RBFOX1: variants seen among roughly 807,000 people sequenced by gnomAD.
RBFOX1 encodes the protein RNA binding protein fox-1 homolog 1.
A neutral mutation model predicts 57.7 loss-of-function variants in RBFOX1; 8 were observed. The observed-to-expected ratio is 0.14, with a 90% CI of 0.08 to 0.25. The LOEUF is 0.25. Among genes scored for constraint, RBFOX1 ranks in the 10% least tolerant of loss-of-function variants. The pLI, the probability that RBFOX1 is intolerant of heterozygous loss-of-function variation, is 1.00. For missense variants in RBFOX1, 611 were observed against 548.5 expected, an observed-to-expected ratio of 1.11 and a Z score of -1.14; for synonymous variants, 326 against 222.4, an observed-to-expected ratio of 1.47 and a Z score of -4.15.
chr16:6,514,712 AG>A (rs1315745185), intron 2 of RBFOX1, among the ~76,000 whole-genome samples: 1 of 152,064 alleles, frequency 6.6e-6, no homozygotes, highest in African/African-American at 2.4e-5. Context: ...CCTCCTCCAT[AG>A]TCATGAAGTT....
intron 4 of RBFOX1, among the ~76,000 whole-genome samples, chr16:7,210,210 A>G (rs1352468245): frequency 6.6e-6 from 1 of 152,212 alleles, no homozygotes; most frequent in African/African-American, 2.4e-5. Context: ...CCAATAGGAT[A>G]CTTCTATAGG....
At chr16:6,837,633 C>T (rs957623522) in intron 3 of RBFOX1, among the ~76,000 whole-genome samples, 1 of 152,200 alleles carries the variant, frequency 6.6e-6, no homozygotes, top group Middle Eastern at 3.2e-3. Context: ...CTCAATCTCT[C>T]TAAGCCTCAC....
At chr16:6,154,095 G>A (rs890151450) in intron 1 of RBFOX1, among the ~76,000 whole-genome samples, 3 of 152,168 alleles carry the variant, frequency 2.0e-5, no homozygotes, top group Admixed American at 6.5e-5. Flanking sequence ...ACACAGGAAG[G>A]GTTTTGAAAT....
chr16:7,322,114 G>A (rs1020949813), intron 4 of RBFOX1, among the ~76,000 whole-genome samples: 1 of 152,168 alleles, frequency 6.6e-6, no homozygotes, highest in Non-Finnish European at 1.5e-5. Context: ...CCATTCATTG[G>A]TCTGATAACA....
chr16:5,348,769 C>G (rs1245201441), intron 1 of RBFOX1, among the ~76,000 whole-genome samples: 1 of 152,174 alleles, frequency 6.6e-6, no homozygotes, highest in Admixed American at 6.5e-5. Flanking sequence ...ATTCCTATAC[C>G]TGATGCTGTA....
chr16:7,676,639 G>C, intron 13 of RBFOX1, 135 bp from the exon 14 acceptor site: 1 of 730,588 alleles, frequency 1.4e-6, no homozygotes, highest in Non-Finnish European at 2.4e-6. Context: ...TTTTCGCTTT[G>C]ATACTAAGCT....
intron 3 of RBFOX1, among the ~76,000 whole-genome samples, chr16:5,722,824 C>T (rs564332377): frequency 6.6e-6 from 1 of 152,200 alleles, no homozygotes; most frequent in Non-Finnish European, 1.5e-5. Flanking sequence ...TCTGAGGAGT[C>T]TCCCAAGACC....
chr16:5,806,148 C>T (rs1183725301), intron 3 of RBFOX1, among the ~76,000 whole-genome samples: 9 of 152,164 alleles, frequency 5.9e-5, no homozygotes, highest in Non-Finnish European at 1.0e-4. Context: ...ACCTACAATT[C>T]AGTTCTCTCA....
chr16:5,580,814 G>A (rs2046640493), intron 2 of RBFOX1, among the ~76,000 whole-genome samples: 1 of 152,190 alleles, frequency 6.6e-6, no homozygotes, highest in Non-Finnish European at 1.5e-5. Context: ...AAGCTGTAGG[G>A]CAGATGGCAT....
chr16:7,689,616 T>G (rs1334958946), intron 14 of RBFOX1, among the ~76,000 whole-genome samples: 1 of 152,052 alleles, frequency 6.6e-6, no homozygotes, highest in Non-Finnish European at 1.5e-5. Context: ...ATTCTTATCT[T>G]CAGGGAAGTT....
chr16:5,329,061 A>G (rs2064669803), intron 1 of RBFOX1, among the ~76,000 whole-genome samples: 1 of 152,206 alleles, frequency 6.6e-6, no homozygotes, highest in Non-Finnish European at 1.5e-5. Flanking sequence ...AAAGTTTTAC[A>G]TATATTGTTT....
intron 3 of RBFOX1, among the ~76,000 whole-genome samples, chr16:5,687,927 A>G (rs566247551): frequency 3.9e-5 from 6 of 152,298 alleles, no homozygotes; most frequent in African/African-American, 1.2e-4. Context: ...AAGGAAATAG[A>G]ATGTATACTG....
At chr16:6,833,967 T>C (rs987604758) in intron 3 of RBFOX1, among the ~76,000 whole-genome samples, 2 of 152,132 alleles carry the variant, frequency 1.3e-5, no homozygotes, top group African/African-American at 2.4e-5. Context: ...ACATCAGCCT[T>C]GGAGGCACAG....
chr16:6,140,715 C>G (rs1337129618), intron 1 of RBFOX1, among the ~76,000 whole-genome samples: 1 of 152,224 alleles, frequency 6.6e-6, no homozygotes, highest in Non-Finnish European at 1.5e-5. Context: ...CAATCCCATT[C>G]CTTCTAGTAG....
At chr16:6,719,120 A>G (rs902509281) in intron 3 of RBFOX1, among the ~76,000 whole-genome samples, 1 of 152,048 alleles carries the variant, frequency 6.6e-6, no homozygotes, top group African/African-American at 2.4e-5. Flanking sequence ...ACTTGCCTTG[A>G]TCTCCCAAAG....
intron 4 of RBFOX1, among the ~76,000 whole-genome samples, chr16:5,979,756 G>A (rs1045614145): frequency 1.6e-4 from 24 of 152,152 alleles, no homozygotes; most frequent in South Asian, 2.1e-4. Context: ...CAGCTGCTCC[G>A]GAGGCTGAGT....
At chr16:6,016,096 G>A (rs567683137), upstream of RBFOX1, among the ~76,000 whole-genome samples, 1 of 152,330 alleles carries the variant, frequency 6.6e-6, no homozygotes, top group South Asian at 2.1e-4. Context: ...CATTTATTGA[G>A]CTTATTATGT....
At chr16:7,404,882 T>C (rs1355295680) in intron 4 of RBFOX1, among the ~76,000 whole-genome samples, 2 of 152,268 alleles carry the variant, frequency 1.3e-5, no homozygotes, top group East Asian at 1.9e-4. Context: ...CCGTTCAGGA[T>C]GGCGTTCCTG....
intron 2 of RBFOX1, among the ~76,000 whole-genome samples, chr16:6,427,976 G>A (rs145769916): frequency 3.5e-4 from 54 of 152,226 alleles, no homozygotes; most frequent in African/African-American, 1.3e-3. Flanking sequence ...ATGCATGAAA[G>A]CACTTAGAAA....
Sources: gnomAD v4.1 joint callset for allele counts (sites outside exome capture counted in the v4.1 genomes callset) on GRCh38, gnomAD v4.1.1 for gene constraint, MANE v1.5 for transcripts, NCBI Gene and HGNC (gene_info 2026-07-23, HGNC 2026-07-21) for gene names.